Variants in ATRNL1 observed in about 807,000 individuals in gnomAD.
ATRNL1 encodes the protein attractin like 1.
A neutral mutation model predicts 182.7 loss-of-function variants in ATRNL1; 95 were observed. The ratio of observed to expected loss-of-function variants is 0.52; its 90% CI spans 0.44 to 0.62. The LOEUF is 0.62. Ranked by LOEUF, ATRNL1 falls within the 20% of genes least tolerant of loss-of-function variation. The pLI is 0.00. For synonymous variants in ATRNL1, 576 were observed against 568.3 expected, an observed-to-expected ratio of 1.01 and a Z score of -0.19; for missense variants, 1,471 against 1,679.5, an observed-to-expected ratio of 0.88 and a Z score of 2.17.
chr10:115,863,619 G>T (rs1555103973), intron 28 of ATRNL1, among the ~76,000 whole-genome samples: 5 of 152,138 alleles, frequency 3.3e-5, no homozygotes, highest in Non-Finnish European at 5.9e-5. Context: ...ATTCACTGTA[G>T]GTGGATGCAC....
At chr10:115,537,742 T>C (rs1019766261) in intron 25 of ATRNL1, among the ~76,000 whole-genome samples, 11 of 152,160 alleles carry the variant, frequency 7.2e-5, no homozygotes, top group Non-Finnish European at 1.6e-4. Flanking sequence ...TTAAAATTTC[T>C]GTGCAGTAAA....
chr10:115,725,156 C>A (rs10885793), intron 26 of ATRNL1, among the ~76,000 whole-genome samples: 1 of 152,012 alleles, frequency 6.6e-6, no homozygotes, highest in South Asian at 2.1e-4. Flanking sequence ...TTGTTCTTTA[C>A]ATAAAGTAAT....
intron 27 of ATRNL1, among the ~76,000 whole-genome samples, chr10:115,729,368 T>A (rs1947715095): frequency 6.6e-6 from 1 of 152,318 alleles, no homozygotes; most frequent in Middle Eastern, 3.4e-3. Flanking sequence ...TATATCCTTT[T>A]GTTTTACAAC....
chr10:115,394,252 A>T (rs2134278820), intron 19 of ATRNL1, among the ~76,000 whole-genome samples: 1 of 152,208 alleles, frequency 6.6e-6, no homozygotes, highest in East Asian at 1.9e-4. Flanking sequence ...TTAAGCATAA[A>T]CAGGTTAAGT....
intron 10 of ATRNL1, among the ~76,000 whole-genome samples, chr10:115,255,664 G>C (rs1034701613): frequency 1.3e-5 from 2 of 152,212 alleles, no homozygotes; most frequent in South Asian, 2.1e-4. Flanking sequence ...GCCAGAACTT[G>C]CAACACTATG....
chr10:115,747,850 G>A (rs548234832), intron 27 of ATRNL1, among the ~76,000 whole-genome samples: 17 of 152,030 alleles, frequency 1.1e-4, no homozygotes, highest in African/African-American at 3.9e-4. Context: ...CCCAACTTTC[G>A]GGTTCATAAA....
intron 8 of ATRNL1, among the ~76,000 whole-genome samples, chr10:115,178,191 T>TATTTTTAAAAAAA (rs1847609987): frequency 6.6e-6 from 1 of 152,096 alleles, no homozygotes; most frequent in African/African-American, 2.4e-5. Context: ...ACTACAGACA[T>TATTTTTAAAAAAA]GAGCCACCGT....
chr10:115,124,859 A>G (rs564676773), intron 3 of ATRNL1, among the ~76,000 whole-genome samples: 1 of 152,322 alleles, frequency 6.6e-6, no homozygotes, highest in Admixed American at 6.5e-5. Flanking sequence ...AGTATGCAGT[A>G]GTCATGCATT....
chr10:115,257,295 T>C (rs1263854265), intron 10 of ATRNL1, among the ~76,000 whole-genome samples: 1 of 152,212 alleles, frequency 6.6e-6, no homozygotes, highest in East Asian at 1.9e-4. Flanking sequence ...GGGCTTGCTT[T>C]ATCAGTCTGG....
chr10:115,258,344 C>G (rs373630081), intron 10 of ATRNL1, among the ~76,000 whole-genome samples: 3 of 151,890 alleles, frequency 2.0e-5, no homozygotes, highest in African/African-American at 7.3e-5. Flanking sequence ...TTTTTCTTCT[C>G]GCTTTATTTC....
chr10:115,481,663 G>A lies in ATRNL1; in HGVS notation c.3654+12334G>A, dbSNP rs1329231604. On this transcript the variant is annotated intron_variant, in intron 24 of 28. Coordinates refer to ENST00000355044, the MANE Select transcript of ATRNL1 (RefSeq NM_207303.4). ...TTTTATTAGTATTAATATTAAGGCT[G>A]AACATTTTTCTATTTATAAAATATT... 4.6e-5 allele frequency among the ~76,000 whole-genome samples: 7 copies of A among 150,650 alleles called. No individual in the cohort carries two copies. The East Asian group carries it at 1.4e-3, about 29-fold the overall frequency.
At chr10:115,147,923 A>C (rs1404961458) in intron 5 of ATRNL1, among the ~76,000 whole-genome samples, 1 of 152,108 alleles carries the variant, frequency 6.6e-6, no homozygotes, top group Middle Eastern at 3.2e-3. Flanking sequence ...CTTTTTGCTT[A>C]GGATTTCTTT....
At chr10:115,567,320 G>A (rs1395427068) in intron 26 of ATRNL1, among the ~76,000 whole-genome samples, 1 of 152,042 alleles carries the variant, frequency 6.6e-6, no homozygotes, top group Admixed American at 6.6e-5. Flanking sequence ...TTTAATATGT[G>A]TGGTAAAGTG....
intron 17 of ATRNL1, among the ~76,000 whole-genome samples, chr10:115,303,575 C>T (rs1340498673): frequency 6.6e-6 from 1 of 152,132 alleles, no homozygotes; most frequent in African/African-American, 2.4e-5. Context: ...AGCAAAATAT[C>T]AGTTATTTGG....
At chr10:115,381,858 G>A (rs1858033036) in intron 19 of ATRNL1, among the ~76,000 whole-genome samples, 1 of 151,844 alleles carries the variant, frequency 6.6e-6, no homozygotes, top group African/African-American at 2.4e-5. Context: ...TATGTATTTT[G>A]AGTGATGTTT....
At position 115,315,839 on chromosome 10, in the gene ATRNL1, G is replaced by C. The variant is rs116536816; in HGVS notation, c.3037+103G>C. ...AAAATTTAGCTTTAGGAAAAAAGCA[G>C]AATGAAAATGAGACTAAAATGTCAA... is the stretch of plus-strand genomic sequence containing the variant. On this transcript the variant is annotated intron_variant, in intron 18 of 28. Coordinates refer to ENST00000355044, the MANE Select transcript of ATRNL1 (RefSeq NM_207303.4). The C allele has an allele frequency of 3.5e-3, 3,128 of 897,110 alleles. 56 individuals carry two copies. In the African/African-American group the frequency reaches 0.045, roughly 13 times the overall value. 55.6% of individuals were successfully genotyped at this position (897,110 alleles called of 1,614,324 possible).
chr10:115,106,119 A>G (rs113326144), intron 1 of ATRNL1, among the ~76,000 whole-genome samples: 3,268 of 152,290 alleles, frequency 0.021, 43 homozygotes, highest in South Asian at 0.029. Flanking sequence ...GGAGCTGCCC[A>G]AGACCATGGG....
In ATRNL1 at chr10:115,940,357, T is replaced by C. The variant is rs375483784; in HGVS notation, c.4019-4301T>C. Among the ~76,000 whole-genome samples, 163 of 152,282 alleles carry C rather than the reference T, an allele frequency of 1.1e-3. 3 individuals are homozygous for C. The South Asian group carries it at 0.032, about 30-fold the overall frequency. On this transcript the variant is annotated intron_variant, in intron 28 of 28. Coordinates refer to ENST00000355044, the MANE Select transcript of ATRNL1 (RefSeq NM_207303.4). ...AGGGATTACAGTTTAACTTCATGGG[T>C]TATTAGTAGAGATAGCAGTCTGACT...
At chr10:115,316,228 G>A (rs1228870722) in intron 18 of ATRNL1, among the ~76,000 whole-genome samples, 1 of 152,114 alleles carries the variant, frequency 6.6e-6, no homozygotes, top group African/African-American at 2.4e-5. Flanking sequence ...CTGTTCCTGT[G>A]TTAGTTGGCT....
Sources: allele counts gnomAD v4.1 joint callset (sites outside exome capture counted in the v4.1 genomes callset), GRCh38; gene constraint gnomAD v4.1.1; transcripts MANE v1.5; gene names NCBI Gene and HGNC (gene_info 2026-07-23, HGNC 2026-07-21).